DTX4: variants seen among roughly 807,000 people sequenced by gnomAD.
DTX4 encodes the protein deltex E3 ubiquitin ligase 4, also known as E3 ubiquitin-protein ligase DTX4.
In DTX4, 28 loss-of-function variants were observed where a neutral mutation model predicts 57.6. The ratio of observed to expected loss-of-function variants is 0.49; its 90% CI spans 0.36 to 0.67. The LOEUF is 0.67. Ranked by LOEUF, DTX4 falls within the 30% of genes least tolerant of loss-of-function variation. The pLI, the probability that DTX4 is intolerant of heterozygous loss-of-function variation, is 0.00. For synonymous variants in DTX4, 316 were observed against 331.0 expected (o/e 0.95, Z 0.49); for missense variants, 715 against 836.8 (o/e 0.85, Z 1.80).
rs114005728 is a variant in DTX4 at position 59,173,833 on chromosome 11, G to A, written c.211+1027G>A. ...AGAGCAAAACTGCCTCTCTTTGCTCGGTCCTTGCTTAATCGATGACCCGGG... is the reference window on the plus strand; with the variant it reads ...AGAGCAAAACTGCCTCTCTTTGCTCAGTCCTTGCTTAATCGATGACCCGGG... On this transcript the variant is annotated intron_variant, in intron 1 of 8. Coordinates refer to ENST00000227451, the MANE Select transcript of DTX4 (RefSeq NM_015177.2). Among the ~76,000 whole-genome samples the A allele has an allele frequency of 4.5e-3, 684 of 152,226 alleles. 8 individuals carry two copies. Among genetic ancestry groups the A allele is most frequent in the African/African-American group, 0.016 (646 of 41,528 alleles).
Position 59,182,212 on chromosome 11 carries a change from C to G in DTX4, c.685C>G (p.Leu229Val), listed in dbSNP as rs1226093027. 1.9e-6 allele frequency: 3 copies of G among 1,609,722 alleles called. No homozygotes were observed. Among genetic ancestry groups the G allele is most frequent in the Non-Finnish European group, 2.5e-6 (3 of 1,177,840 alleles). Residue 229 changes from leucine (L) to valine (V), a missense_variant, in exon 2 of 9, where the codon CTA becomes GTA. Physicochemically the swap from Leu to Val is conservative, Grantham distance 32. Transcript: ENST00000227451. ...KNMPPPGVVK[L>V]PPLPGSGAKP... ...CATGCCGCCTCCTGGAGTGGTCAAGCTACCCCCACTGCCAGGCTCTGGGGC... is the reference window on the plus strand; with the variant it reads ...CATGCCGCCTCCTGGAGTGGTCAAGGTACCCCCACTGCCAGGCTCTGGGGC...
At chr11:59,200,665 A>T (rs1265696718) in intron 8 of DTX4, among the ~76,000 whole-genome samples, 1 of 152,192 alleles carries the variant, frequency 6.6e-6, no homozygotes, top group Non-Finnish European at 1.5e-5. Flanking sequence ...GGGTTTCTGG[A>T]TTCCTAGTGA....
At chr11:59,195,492 C>G (rs1862654508) in intron 7 of DTX4, 123 bp downstream of exon 7, 2 of 1,148,394 alleles carry the variant, frequency 1.7e-6, no homozygotes, top group Non-Finnish European at 2.4e-6. Flanking sequence ...TCTACCCAGC[C>G]TTGCCCGCTG....
At chr11:59,198,951 A>G (rs1862707693) in intron 7 of DTX4, among the ~76,000 whole-genome samples, 1 of 152,186 alleles carries the variant, frequency 6.6e-6, no homozygotes, top group Non-Finnish European at 1.5e-5. Flanking sequence ...TTCTCACTCA[A>G]TTGTGCTTCA....
chr11:59,184,618 G>A (rs1404467045), intron 2 of DTX4, among the ~76,000 whole-genome samples: 1 of 152,222 alleles, frequency 6.6e-6, no homozygotes, highest in African/African-American at 2.4e-5. Flanking sequence ...TGAGGGAGAG[G>A]CACCCAGGTG....
chr11:59,183,516 C>G (rs1862491532), intron 2 of DTX4, among the ~76,000 whole-genome samples: 1 of 152,220 alleles, frequency 6.6e-6, no homozygotes, highest in African/African-American at 2.4e-5. Flanking sequence ...CTCACAGCCA[C>G]CCAATCTTCC....
chr11:59,182,578 C>G, intron 2 of DTX4, 116 bp downstream of exon 2: 1 of 1,369,288 alleles, frequency 7.3e-7, no homozygotes, highest in Non-Finnish European at 9.6e-7. Flanking sequence ...CTTGTGCTGA[C>G]CCCTGGCTGC....
chr11:59,192,488 G>A lies in DTX4; in HGVS notation c.1374+238G>A, dbSNP rs537223290. On this transcript the variant is annotated intron_variant, in intron 6 of 8. Coordinates refer to ENST00000227451, the MANE Select transcript of DTX4 (RefSeq NM_015177.2). ...CTGTGCTATCTAATTCTCCATCTTCGGTGTCAGGTCTAAGAGTGGGGTAGG... is the reference window on the plus strand; with the variant it reads ...CTGTGCTATCTAATTCTCCATCTTCAGTGTCAGGTCTAAGAGTGGGGTAGG... Among the ~76,000 whole-genome samples the A allele has an allele frequency of 2.0e-5, 3 of 152,092 alleles. No homozygotes were observed. In the South Asian group the frequency reaches 6.2e-4, roughly 32 times the overall value.
Position 59,172,720 on chromosome 11 carries a change from GCAGCGTGGTGCTGGGCCAGGTGGA to G in DTX4, c.130_153del (p.Val44_Ser51del). On this transcript the variant is annotated inframe_deletion, in exon 1 of 9. Coordinates refer to ENST00000227451, the MANE Select transcript of DTX4 (RefSeq NM_015177.2). Reference sequence around the variant, plus strand: ...GTCCGCGCCGGCCCCCGCGCGGGGGGCAGCGTGGTGCTGGGCCAGGTGGACAGCCGTCTCGCGCCCTACATCATC... The same window carrying G: ...GTCCGCGCCGGCCCCCGCGCGGGGGGCAGCCGTCTCGCGCCCTACATCATC... 1 of 1,603,714 alleles carries G rather than the reference GCAGCGTGGTGCTGGGCCAGGTGGA, an allele frequency of 6.2e-7. No homozygotes were observed. Among genetic ancestry groups the G allele is most frequent in the African/African-American group, 1.3e-5 (1 of 74,632 alleles).
chr11:59,174,111 C>A (rs1862364563), intron 1 of DTX4, among the ~76,000 whole-genome samples: 2 of 152,172 alleles, frequency 1.3e-5, no homozygotes, highest in Admixed American at 6.5e-5. Flanking sequence ...TTTCCACCCT[C>A]ATGTCCCCAT....
Position 59,207,550 on chromosome 11 carries a change from C to T in DTX4, c.*2641C>T, listed in dbSNP as rs1323384595. 6.5e-6 allele frequency: 1 copy of T among 152,706 alleles called. No homozygotes were observed. Among genetic ancestry groups the T allele is most frequent in the East Asian group, 1.9e-4 (1 of 5,192 alleles). The allele number at this position is 152,706 out of a possible 1,614,324, so 9.5% of individuals were successfully genotyped here. On this transcript the variant is annotated 3_prime_UTR_variant, in exon 9 of 9. Transcript: ENST00000227451. Reference sequence around the variant, plus strand: ...CGGGGAGCATTCCTCTGCCCTTTGTCTTGTGCCAACCTGGAAAGGTGCAGT... The same window carrying T: ...CGGGGAGCATTCCTCTGCCCTTTGTTTTGTGCCAACCTGGAAAGGTGCAGT...
At position 59,189,086 on chromosome 11, in the gene DTX4, A is replaced by C. The variant is rs2135519522; in HGVS notation, c.998-76A>C. ...TGCTGGAAAGGAGGAGAGTAGGTTA[A>C]TGGGGAAAGAGGAATTTGGGGAATG... On this transcript the variant is annotated intron_variant, in intron 3 of 8. Transcript: ENST00000227451. The C allele has an allele frequency of 1.9e-6, 3 of 1,552,138 alleles. No homozygotes were observed. In the East Asian group the frequency reaches 6.8e-5, roughly 35 times the overall value.
intron 4 of DTX4, 108 bp from the exon 5 acceptor site, chr11:59,191,006 T>C: frequency 1.0e-6 from 1 of 962,586 alleles, no homozygotes; most frequent in African/African-American, 1.6e-5. Context: ...CTCCCCTTTT[T>C]GCTTTTAACT....
rs1266748378 is a variant in DTX4, at chr11:59,204,765, C to T, written c.1716C>T (p.Ile572=). 1 of 1,613,792 alleles carries T rather than the reference C, an allele frequency of 6.2e-7. No homozygotes were observed. The highest frequency in any genetic ancestry group is 1.7e-5 in the Admixed American group (1 of 59,994). Residue 572 remains isoleucine (I), a synonymous_variant, in exon 9 of 9, where the codon ATC becomes ATT. Transcript: ENST00000227451. ...SSTTGESDTV[I]WNEVHHKTEF... is the part of the protein sequence containing the mutation. ...CCACAGGCGAGTCAGACACCGTCATCTGGAATGAGGTCCACCACAAGACAG... is the reference window on the plus strand; with the variant it reads ...CCACAGGCGAGTCAGACACCGTCATTTGGAATGAGGTCCACCACAAGACAG...
rs915399088 is a variant in DTX4 at position 59,207,195 on chromosome 11, A to G, written c.*2286A>G. The G allele has an allele frequency of 6.6e-6, 1 of 152,348 alleles. No homozygotes were observed. The highest frequency in any genetic ancestry group is 6.5e-5 in the Admixed American group (1 of 15,294). The allele number at this position is 152,348 out of a possible 1,614,324, so 9.4% of individuals were successfully genotyped here. A position where few individuals can be genotyped will look rare whatever the true frequency, so the allele number is the denominator to read the frequency against. ...TAGGAGGTGGGGAAGAAAAGAAGAC[A>G]GACTTTCAAAATGGAATTAGGCACT... On this transcript the variant is annotated 3_prime_UTR_variant, in exon 9 of 9. Transcript: ENST00000227451.
At chr11:59,172,125 G>A (rs1862331406), upstream of DTX4, among the ~76,000 whole-genome samples, 1 of 152,028 alleles carries the variant, frequency 6.6e-6, no homozygotes, top group African/African-American at 2.4e-5. Flanking sequence ...GGGGACCAGA[G>A]CGTGCCATTC....
intron 1 of DTX4, among the ~76,000 whole-genome samples, chr11:59,173,513 G>A (rs567138223): frequency 5.3e-5 from 8 of 152,330 alleles, no homozygotes; most frequent in Admixed American, 4.6e-4. Flanking sequence ...AGAGAGGAGG[G>A]GGAGGCTCGG....
In DTX4 at chr11:59,172,150, C is replaced by A. The variant is rs1362894592; in HGVS notation, c.-446C>A. Among the ~76,000 whole-genome samples the A allele has an allele frequency of 6.6e-6, 1 of 151,896 alleles. No individual in the cohort carries two copies. The highest frequency in any genetic ancestry group is 2.4e-5 in the African/African-American group (1 of 41,356). ...GCGTGCCATTCCGAGCGCGGCCGTG[C>A]GGCGAGATCCCACCCCGGCGTCTGC... On this transcript the variant is annotated 5_prime_UTR_variant, in exon 1 of 9. Coordinates refer to ENST00000227451, the MANE Select transcript of DTX4 (RefSeq NM_015177.2).
At chr11:59,196,779 C>T (rs553989235) in intron 7 of DTX4, among the ~76,000 whole-genome samples, 2 of 152,146 alleles carry the variant, frequency 1.3e-5, no homozygotes, top group South Asian at 2.1e-4. Context: ...TCACTGTCTC[C>T]CATCATGCCC....
Sources: allele counts gnomAD v4.1 joint callset (sites outside exome capture counted in the v4.1 genomes callset), GRCh38; gene constraint gnomAD v4.1.1; transcripts MANE v1.5; gene names NCBI Gene and HGNC (gene_info 2026-07-23, HGNC 2026-07-21).